The following CUX1 variants were observed in gnomAD, a reference collection of about 807,000 sequenced individuals.
The protein encoded by CUX1 is cut like homeobox 1, also known as protein CASP.
In CUX1, 31 loss-of-function variants were observed where a neutral mutation model predicts 158.8. The ratio of observed to expected loss-of-function variants is 0.20; its 90% CI spans 0.15 to 0.26. The LOEUF (loss-of-function observed/expected upper bound fraction) is 0.26. Ranked by LOEUF, CUX1 falls within the 10% of genes least tolerant of loss-of-function variation. The probability of loss-of-function intolerance (pLI) is 1.00; values close to 1 mark genes in which losing one functional copy is unlikely to be tolerated. For synonymous variants in CUX1, 879 were observed against 862.1 expected, an observed-to-expected ratio of 1.02 and a Z score of -0.34; for missense variants, 1,589 against 2,014.6, an observed-to-expected ratio of 0.79 and a Z score of 4.04.
intron 1 of CUX1, among the ~76,000 whole-genome samples, chr7:101,892,307 TGTTA>T (rs1800962728): frequency 6.6e-6 from 1 of 152,366 alleles, no homozygotes; most frequent in South Asian, 2.1e-4. Context: ...CACAAGCGGC[TGTTA>T]GTTGGCATCA....
intron 3 of CUX1, among the ~76,000 whole-genome samples, chr7:102,046,351 G>C (rs1822798647): frequency 6.6e-6 from 1 of 152,098 alleles, no homozygotes; most frequent in Non-Finnish European, 1.5e-5. Flanking sequence ...TCCTGCCTCA[G>C]CCTCTGAAGT....
chr7:101,888,366 C>T (rs1391627169), intron 1 of CUX1, among the ~76,000 whole-genome samples: 1 of 152,144 alleles, frequency 6.6e-6, no homozygotes, highest in African/African-American at 2.4e-5. Flanking sequence ...GAATGTCTTC[C>T]TTGTACCTGA....
At chr7:102,173,428 C>T (rs543556229) in intron 10 of CUX1, among the ~76,000 whole-genome samples, 16 of 152,298 alleles carry the variant, frequency 1.1e-4, no homozygotes, top group African/African-American at 3.8e-4. Flanking sequence ...ATTGAGCAGG[C>T]CATCACGTCC....
intron 19 of CUX1, 35 bp downstream of exon 19, chr7:102,204,591 C>G: frequency 6.2e-7 from 1 of 1,604,052 alleles, no homozygotes; most frequent in Non-Finnish European, 8.5e-7. Context: ...AGGGGCTGCC[C>G]CCCCATAGCA....
chr7:101,925,860 C>T (rs1488078851), intron 2 of CUX1, among the ~76,000 whole-genome samples: 1 of 152,102 alleles, frequency 6.6e-6, no homozygotes, highest in African/African-American at 2.4e-5. Context: ...TTGAGTCTAG[C>T]AGGAGATTGA....
In CUX1 at chr7:102,195,068, G is replaced by C. The variant is rs528928946; in HGVS notation, c.1126-439G>C. On this transcript the variant is annotated intron_variant, in intron 13 of 23. Coordinates refer to ENST00000292535, the MANE Select transcript of CUX1 (RefSeq NM_181552.4). ...TCAAATAAAATTGACATCCTAAGTG[G>C]AATCTGACTCCTGATGCCCAGAAGA... Among the ~76,000 whole-genome samples the C allele has an allele frequency of 6.0e-5, 9 of 149,036 alleles. No individual in the cohort carries two copies. The South Asian group carries it at 1.9e-3, about 32-fold the overall frequency.
chr7:102,076,327 G>A (rs546793921), intron 4 of CUX1, among the ~76,000 whole-genome samples: 1 of 152,132 alleles, frequency 6.6e-6, no homozygotes, highest in African/African-American at 2.4e-5. Flanking sequence ...GGAGGTTGCA[G>A]TGAGCCGAGA....
Position 102,202,145 on chromosome 7 carries a change from C to T in CUX1, c.2848C>T (p.Arg950Trp), listed in dbSNP as rs782341460. 3.2e-5 allele frequency: 51 copies of T among 1,613,462 alleles called. No homozygotes were observed. The highest frequency in any genetic ancestry group is 1.6e-4 in the Middle Eastern group (1 of 6,082). ...GGAGGTGGACACCATCGAGCTCACCCGGCAGGTTAAGGAAAAGCTGGCCAA... is the reference window on the plus strand; with the variant it reads ...GGAGGTGGACACCATCGAGCTCACCTGGCAGGTTAAGGAAAAGCTGGCCAA... ...YQEVDTIELT[R>W]QVKEKLAKNG... is the part of the protein sequence containing the mutation. The change falls in exon 18 of 24, where the codon CGG (arginine) becomes TGG (tryptophan). Residue 950 changes from arginine to tryptophan, a missense_variant. This residue lies in a region of CUX1 where 29 missense variants were observed against 66.6 expected (regional missense o/e 0.44). Transcript: ENST00000292535.
intron 11 of CUX1, among the ~76,000 whole-genome samples, chr7:102,182,972 T>C (rs1554514452): frequency 6.6e-6 from 1 of 152,202 alleles, no homozygotes; most frequent in East Asian, 1.9e-4. Flanking sequence ...TCACATGCGT[T>C]AGAATCACCT....
chr7:101,915,461 A>G (rs1464655803), intron 1 of CUX1, among the ~76,000 whole-genome samples: 1 of 152,188 alleles, frequency 6.6e-6, no homozygotes, highest in African/African-American at 2.4e-5. Context: ...ATGGTGCCTC[A>G]TTTCTGAAAA....
chr7:102,234,757 TA>T (rs34652160), intron 22 of CUX1, among the ~76,000 whole-genome samples: 36,717 of 109,550 alleles, frequency 0.34, 5,090 homozygotes, highest in Middle Eastern at 0.43. Context: ...CCCTCACTAC[TA>T]AAAAAAAAAA....
At chr7:102,224,596 CAG>C (rs1563441496) in intron 20 of CUX1, among the ~76,000 whole-genome samples, 4 of 152,198 alleles carry the variant, frequency 2.6e-5, no homozygotes, top group African/African-American at 9.7e-5. Context: ...GCTTTGATCT[CAG>C]GGGGCCTGCC....
chr7:102,224,707 C>T (rs1357430822), intron 20 of CUX1, among the ~76,000 whole-genome samples: 1 of 152,178 alleles, frequency 6.6e-6, no homozygotes, highest in East Asian at 1.9e-4. Flanking sequence ...CACAAATCCA[C>T]GCCACTGGCT....
At chr7:102,212,616 C>T (rs1262649066) in intron 20 of CUX1, among the ~76,000 whole-genome samples, 3 of 152,096 alleles carry the variant, frequency 2.0e-5, no homozygotes, top group African/African-American at 4.8e-5. Context: ...TTTAAGAAAT[C>T]GGTCACCATC....
chr7:102,257,197 C>T lies in CUX1; in HGVS notation c.*8155C>T. Reference sequence around the variant, plus strand: ...CCAAGGTAGGCTGGGAAGAGCATCTCTTTCCATATCATCACCTCCCCTTCT... The same window carrying T: ...CCAAGGTAGGCTGGGAAGAGCATCTTTTTCCATATCATCACCTCCCCTTCT... On this transcript the variant is annotated 3_prime_UTR_variant, in exon 24 of 24. Coordinates refer to ENST00000292535, the MANE Select transcript of CUX1 (RefSeq NM_181552.4). 2.0e-6 allele frequency: 2 copies of T among 985,398 alleles called. No individual in the cohort carries two copies. The highest frequency in any genetic ancestry group is 2.4e-6 in the Non-Finnish European group (2 of 829,932). The allele number at this position is 985,398 out of a possible 1,614,324, so 61.0% of individuals were successfully genotyped here. A position where few individuals can be genotyped will look rare whatever the true frequency, so the allele number is the denominator to read the frequency against.
In CUX1 at chr7:101,869,278, G is replaced by T. The variant is rs141776700; in HGVS notation, c.31-46837G>T. On this transcript the variant is annotated intron_variant, in intron 1 of 23. Coordinates refer to ENST00000292535, the MANE Select transcript of CUX1 (RefSeq NM_181552.4). This position sits in a 1 kb window ranked among gnomAD's most constrained non-coding sequence, Gnocchi z 4.5. ...AGGAGCATCACTGTGTCCAGAGGAC[G>T]CGGTGCCTTTCAGACCCCTTGAGTA... Among the ~76,000 whole-genome samples, 8 of 152,162 alleles carry T rather than the reference G, an allele frequency of 5.3e-5. No homozygotes were observed. The highest frequency in any genetic ancestry group is 1.9e-4 in the African/African-American group (8 of 41,440).
At chr7:101,908,450 TTTTG>T (rs59267502) in intron 1 of CUX1, among the ~76,000 whole-genome samples, 91,397 of 150,150 alleles carry the variant, frequency 0.61, 28,860 homozygotes, top group Middle Eastern at 0.69. Flanking sequence ...CCAGCCTGTT[TTTTG>T]TTTGTTTGTT....
chr7:102,180,086 C>T (rs1041254861), intron 11 of CUX1, among the ~76,000 whole-genome samples: 3 of 152,128 alleles, frequency 2.0e-5, no homozygotes, highest in Non-Finnish European at 4.4e-5. Context: ...TGCAATGGCG[C>T]AGTCTTGGCT....
At chr7:101,973,646 C>A (rs1812267594) in intron 2 of CUX1, among the ~76,000 whole-genome samples, 1 of 152,032 alleles carries the variant, frequency 6.6e-6, no homozygotes, top group African/African-American at 2.4e-5. Flanking sequence ...CCCACCTGGA[C>A]CCCTGAATTG....
Sources: allele counts gnomAD v4.1 joint callset (sites outside exome capture counted in the v4.1 genomes callset), GRCh38; gene constraint gnomAD v4.1.1; regional missense constraint gnomAD v4.1.1; non-coding constraint Gnocchi (gnomAD v3.1); transcripts MANE v1.5; gene names NCBI Gene and HGNC (gene_info 2026-07-23, HGNC 2026-07-21).